Variants in METTL25B observed in about 807,000 individuals in gnomAD.
METTL25B encodes methyltransferase like 25B, also known as methyltransferase-like protein 25B.
Under a neutral mutation model 48.4 loss-of-function variants are expected in METTL25B, and 38 were observed. The observed-to-expected ratio is 0.78, with a 90% confidence interval of 0.61 to 1.03. The LOEUF (loss-of-function observed/expected upper bound fraction) is 1.03, where lower values mean the gene tolerates loss of function less well. Among genes scored for constraint, METTL25B ranks in the 50% least tolerant of loss-of-function variants. The pLI is 0.00. For synonymous variants in METTL25B, 230 were observed against 254.5 expected, an observed-to-expected ratio of 0.90 and a Z score of 0.92; for missense variants, 537 against 603.7, an observed-to-expected ratio of 0.89 and a Z score of 1.16.
At chr1:156,735,237 T>C (rs1649647565) in intron 6 of METTL25B, among the ~76,000 whole-genome samples, 4 of 150,716 alleles carry the variant, frequency 2.7e-5, no homozygotes. Context: ...TGCAGTGAAC[T>C]GAGATCGCGC....
At chr1:156,732,583 A>G in intron 3 of METTL25B, 110 bp downstream of exon 3, 2 of 943,064 alleles carry the variant, frequency 2.1e-6, no homozygotes, top group Non-Finnish European at 3.2e-6. Context: ...GAGGCCCTAG[A>G]CATTCCTTTA....
At chr1:156,731,914 G>A in intron 1 of METTL25B, 77 bp from the exon 2 acceptor site, 2 of 1,571,224 alleles carry the variant, frequency 1.3e-6, no homozygotes, top group South Asian at 2.3e-5. Context: ...CAGGCAATGA[G>A]GTGTGTAGTT....
intron 5 of METTL25B, 60 bp downstream of exon 5, chr1:156,733,580 A>G (rs1649473943): frequency 1.3e-6 from 2 of 1,562,494 alleles, no homozygotes; most frequent in African/African-American, 2.7e-5. Context: ...GCTGGAATTG[A>G]GCACAGAGGC....
chr1:156,731,500 C>G (rs1482811135), intron 1 of METTL25B, among the ~76,000 whole-genome samples: 1 of 152,160 alleles, frequency 6.6e-6, no homozygotes, highest in Non-Finnish European at 1.5e-5. Flanking sequence ...ATTCCCTGAG[C>G]CTACAATAGA....
At position 156,736,767 on chromosome 1, in the gene METTL25B, A is replaced by C. The variant is rs8658; in HGVS notation, c.*14A>C. 0.33 allele frequency: 532,945 copies of C among 1,607,600 alleles called. 93,385 individuals carry two copies. Among genetic ancestry groups the C allele is most frequent in the East Asian group, 0.67 (29,843 of 44,850 alleles). On this transcript the variant is annotated 3_prime_UTR_variant, in exon 8 of 8. Transcript: ENST00000368216. ...GAAGACAGCTGATGCAGCCTGAGGA[A>C]ACATCTCAGACCCCATCATCTGAAA...
chr1:156,734,453 G>C lies in METTL25B; in HGVS notation c.1081G>C (p.Val361Leu), dbSNP rs965092441. The change falls in exon 6 of 8, where the codon GTG becomes CTG. Residue 361 changes from valine (V) to leucine (L), a missense_variant. Coordinates refer to ENST00000368216, the MANE Select transcript of METTL25B (RefSeq NM_015997.4). ...RARPELRRPG[V>L]QGIPRVHELK... ...CCGGCCCGAGCTCCGTCGGCCAGGC[G>C]TGCAGGGTATCCCCAGGGTCCACGA... is the stretch of plus-strand genomic sequence containing the variant. The C allele has an allele frequency of 6.2e-7, 1 of 1,602,512 alleles. No homozygotes were observed. Among genetic ancestry groups the C allele is most frequent in the South Asian group, 1.1e-5 (1 of 89,544 alleles).
At chr1:156,732,959 G>A (rs1277259471) in intron 3 of METTL25B, 26 bp from the exon 4 acceptor site, 1 of 1,610,966 alleles carries the variant, frequency 6.2e-7, no homozygotes, top group South Asian at 1.1e-5. Context: ...CAGTGGCTAG[G>A]AGACCTTTGT....
At chr1:156,733,125 A>T in intron 4 of METTL25B, 78 bp downstream of exon 4, 2 of 1,343,794 alleles carry the variant, frequency 1.5e-6, no homozygotes, top group Non-Finnish European at 2.1e-6. Flanking sequence ...ATCGGGCCAC[A>T]GGCCCAGCGA....
intron 1 of METTL25B, among the ~76,000 whole-genome samples, chr1:156,731,158 C>G (rs1004755091): frequency 6.6e-6 from 1 of 152,206 alleles, no homozygotes; most frequent in Non-Finnish European, 1.5e-5. Context: ...GAGTTTTGCT[C>G]TGCTGCCCAG....
In METTL25B at chr1:156,729,092, G is replaced by T. The variant is rs371185608; in HGVS notation, c.-13G>T. ...TGCGTTCTCGCTCCCCGCGCTCCCT[G>T]CTGGACCCCGGGATGCCGGGCATCT... is the stretch of plus-strand genomic sequence containing the variant. On this transcript the variant is annotated 5_prime_UTR_variant, in exon 1 of 8. Coordinates refer to ENST00000368216, the MANE Select transcript of METTL25B (RefSeq NM_015997.4). 77 of 1,559,602 alleles carry T rather than the reference G, an allele frequency of 4.9e-5. No homozygotes were observed. Among genetic ancestry groups the T allele is most frequent in the Non-Finnish European group, 6.2e-5 (71 of 1,138,518 alleles).
intron 5 of METTL25B, 53 bp downstream of exon 5, chr1:156,733,573 G>A: frequency 1.9e-6 from 3 of 1,586,450 alleles, no homozygotes; most frequent in African/African-American, 1.4e-5. Context: ...CTGCTTGGCT[G>A]GAATTGAGCA....
rs756701217 is a variant in METTL25B, at chr1:156,732,339, G to A, written c.295G>A (p.Ala99Thr). The stretch of plus-strand genomic sequence containing the variant: ...CCTGAAGTCCACGGCGTGTGCCCTG[G>A]CCTTTACCCGGATGCCTGGCTTTCA... ...LALKSTACAL[A>T]FTRMPGFQTP... is the part of the protein sequence containing the mutation. The change falls in exon 3 of 8, where the codon GCC (alanine) becomes ACC (threonine). Residue 99 changes from alanine (A) to threonine (T), a missense_variant. Ala to Thr is a moderately conservative substitution (Grantham distance 58). Transcript: ENST00000368216. 23 of 1,614,124 alleles carry A rather than the reference G, an allele frequency of 1.4e-5. No individual in the cohort carries two copies. Among genetic ancestry groups the A allele is most frequent in the Middle Eastern group, 1.6e-4 (1 of 6,084 alleles).
Position 156,728,696 on chromosome 1 carries a change from A to G in METTL25B, c.-409A>G. Reference sequence around the variant, plus strand: ...GGTGGTACAACGCGAAGGTGTGGGAAGGCCGCGATAAACCGGAACTGCAGC... The same window carrying G: ...GGTGGTACAACGCGAAGGTGTGGGAGGGCCGCGATAAACCGGAACTGCAGC... On this transcript the variant is annotated 5_prime_UTR_variant, in exon 1 of 8. Transcript: ENST00000368216. 1 of 990,572 alleles carries G rather than the reference A, an allele frequency of 1.0e-6. No individual in the cohort carries two copies. The highest frequency in any genetic ancestry group is 1.2e-6 in the Non-Finnish European group (1 of 832,744). 61.4% of individuals were successfully genotyped at this position (990,572 alleles called of 1,614,324 possible). A position where few individuals can be genotyped will look rare whatever the true frequency, so the allele number is the denominator to read the frequency against.
intron 7 of METTL25B, 190 bp from the exon 8 acceptor site, chr1:156,736,442 C>T (rs975446776): frequency 3.3e-6 from 2 of 600,744 alleles, no homozygotes; most frequent in East Asian, 5.4e-5. Context: ...GCATCGAGAA[C>T]CTACAATGCA....
chr1:156,733,667 C>A, intron 5 of METTL25B, 147 bp downstream of exon 5: 1 of 842,262 alleles, frequency 1.2e-6, no homozygotes, highest in Non-Finnish European at 1.8e-6. Flanking sequence ...CAAGGTTGCC[C>A]TTTCCCCAGT....
At position 156,732,058 on chromosome 1, in the gene METTL25B, A is replaced by T; in HGVS notation, c.179A>T (p.Lys60Ile). Residue 60 changes from lysine to isoleucine, a missense_variant, in exon 2 of 8, where the codon AAA becomes ATA. Transcript: ENST00000368216. ...TGGCAGGAAGCATTGGATGGACTGA[A>T]ACCACCACAGCTGGCCACAATGCTG... ...CSWQEALDGL[K>I]PPQLATMLLG... The T allele has an allele frequency of 1.9e-6, 3 of 1,614,204 alleles. No homozygotes were observed. In the East Asian group the frequency reaches 6.7e-5, roughly 36 times the overall value.
intron 5 of METTL25B, 146 bp from the exon 6 acceptor site, chr1:156,733,863 T>G: frequency 6.6e-6 from 7 of 1,066,240 alleles, no homozygotes; most frequent in Non-Finnish European, 9.4e-6. Flanking sequence ...TCCTGACTTG[T>G]GGTCCAGCCC....
At position 156,733,258 on chromosome 1, in the gene METTL25B, T is replaced by C; in HGVS notation, c.493-119T>C. The C allele has an allele frequency of 6.4e-6, 8 of 1,248,344 alleles. No individual in the cohort carries two copies. The South Asian group carries it at 1.2e-4, about 18-fold the overall frequency. The allele number at this position is 1,248,344 out of a possible 1,614,324, so 77.3% of individuals were successfully genotyped here. On this transcript the variant is annotated intron_variant, in intron 4 of 7. Coordinates refer to ENST00000368216, the MANE Select transcript of METTL25B (RefSeq NM_015997.4). The stretch of plus-strand genomic sequence containing the variant: ...GCCACACTGATGTTAATAAGTTCTG[T>C]AGGGTAAAATTTAAGCCTTCTGTGG...
At chr1:156,731,814 G>C (rs1649314260) in intron 1 of METTL25B, among the ~76,000 whole-genome samples, 177 bp from the exon 2 acceptor site, 1 of 152,234 alleles carries the variant, frequency 6.6e-6, no homozygotes, top group African/African-American at 2.4e-5. Context: ...GGGGAGGCTG[G>C]AGCAGGCTTC....
Sources: allele counts gnomAD v4.1 joint callset (sites outside exome capture counted in the v4.1 genomes callset), GRCh38; gene constraint gnomAD v4.1.1; transcripts MANE v1.5; gene names NCBI Gene and HGNC (gene_info 2026-07-23, HGNC 2026-07-21).